The following DYNC1I1 variants were observed in gnomAD, a reference collection of about 807,000 sequenced individuals.
The protein encoded by DYNC1I1 is cytoplasmic dynein 1 intermediate chain 1.
DYNC1I1 carries 43 observed loss-of-function variants against 86.6 expected under a neutral mutation model. The observed-to-expected ratio is 0.50, with a 90% CI of 0.39 to 0.64. DYNC1I1 has a LOEUF of 0.64. Ranked by LOEUF, DYNC1I1 falls within the 30% of genes least tolerant of loss-of-function variation. The pLI is 0.00. For synonymous variants in DYNC1I1, 262 were observed against 283.7 expected (o/e 0.92, Z 0.77); for missense variants, 604 against 788.8 (o/e 0.77, Z 2.81).
intron 5 of DYNC1I1, among the ~76,000 whole-genome samples, chr7:95,842,754 A>G (rs1789320620): frequency 6.6e-6 from 1 of 152,196 alleles, no homozygotes; most frequent in East Asian, 1.9e-4. Context: ...TATTTTTCTC[A>G]GAGGATGTCG....
chr7:95,896,709 A>C (rs1293552316), intron 6 of DYNC1I1, among the ~76,000 whole-genome samples: 1 of 152,210 alleles, frequency 6.6e-6, no homozygotes, highest in African/African-American at 2.4e-5. Flanking sequence ...TTATTATTTC[A>C]TGGTGTTGCT....
At chr7:95,776,063 G>C (rs531155396) in intron 1 of DYNC1I1, among the ~76,000 whole-genome samples, 7 of 152,140 alleles carry the variant, frequency 4.6e-5, no homozygotes, top group African/African-American at 1.7e-4. Context: ...CTGGAGGCTC[G>C]TGCCTGTAAT....
At chr7:96,009,316 T>C (rs1794217343) in intron 10 of DYNC1I1, among the ~76,000 whole-genome samples, 1 of 152,186 alleles carries the variant, frequency 6.6e-6, no homozygotes, top group African/African-American at 2.4e-5. Context: ...CCCCAAGGCC[T>C]TGCCCTCTGC....
In DYNC1I1 at chr7:95,859,770, C is replaced by T. The variant is rs571906804; in HGVS notation, c.375-10113C>T. On this transcript the variant is annotated intron_variant, in intron 5 of 16. Coordinates refer to ENST00000447467, the MANE Select transcript of DYNC1I1 (RefSeq NM_001135556.2). ...GGAGGCTACAGGATCCTGCCTGGTG[C>T]TGGGGCAGGTCTGTAGGCTCAGTTT... 5.3e-5 allele frequency among the ~76,000 whole-genome samples: 8 copies of T among 152,346 alleles called. No homozygotes were observed. The East Asian group carries it at 9.7e-4, about 18-fold the overall frequency.
chr7:95,774,351 G>A (rs139289921), intron 1 of DYNC1I1, among the ~76,000 whole-genome samples: 1 of 152,198 alleles, frequency 6.6e-6, no homozygotes, highest in African/African-American at 2.4e-5. Flanking sequence ...GGACCTCTGA[G>A]ATGCTGCAGC....
intron 6 of DYNC1I1, among the ~76,000 whole-genome samples, chr7:95,966,819 A>G (rs1008062201): frequency 4.6e-5 from 7 of 152,336 alleles, no homozygotes; most frequent in African/African-American, 1.7e-4. Context: ...GTACCTGGTG[A>G]CCGGTGACTA....
chr7:95,921,187 G>GA (rs1478368837), intron 6 of DYNC1I1, among the ~76,000 whole-genome samples: 1 of 152,040 alleles, frequency 6.6e-6, no homozygotes, highest in Non-Finnish European at 1.5e-5. Context: ...CCTTTGAGGT[G>GA]AAAAAACGAC....
intron 7 of DYNC1I1, among the ~76,000 whole-genome samples, chr7:95,980,027 T>C (rs1419415146): frequency 1.3e-5 from 2 of 152,104 alleles, no homozygotes; most frequent in Admixed American, 1.3e-4. Context: ...TGTCTTGGCA[T>C]GGATTCCCCA....
chr7:95,937,877 C>T (rs2116432455), intron 6 of DYNC1I1, among the ~76,000 whole-genome samples: 1 of 152,120 alleles, frequency 6.6e-6, no homozygotes, highest in East Asian at 1.9e-4. Flanking sequence ...CCAGACACTG[C>T]TAACACCTTG....
At chr7:96,080,231 C>T (rs1357835816) in intron 15 of DYNC1I1, 132 bp from the exon 16 acceptor site, 11 of 1,157,678 alleles carry the variant, frequency 9.5e-6, no homozygotes, top group South Asian at 2.1e-5. Flanking sequence ...TTCCCCCCGG[C>T]ACAAGGGATG....
chr7:95,864,332 A>G (rs1278368510), intron 5 of DYNC1I1, among the ~76,000 whole-genome samples: 1 of 152,208 alleles, frequency 6.6e-6, no homozygotes, highest in Admixed American at 6.5e-5. Flanking sequence ...GGACTATGCT[A>G]GTGTTAAATT....
intron 5 of DYNC1I1, among the ~76,000 whole-genome samples, chr7:95,863,888 A>G (rs146094114): frequency 6.6e-6 from 1 of 152,232 alleles, no homozygotes; most frequent in Non-Finnish European, 1.5e-5. Context: ...AGAATTATTC[A>G]TAGTACTAAA....
intron 6 of DYNC1I1, among the ~76,000 whole-genome samples, chr7:95,922,864 A>C (rs1238520219): frequency 2.0e-5 from 3 of 151,956 alleles, no homozygotes; most frequent in African/African-American, 7.2e-5. Context: ...TTTTCTAAAA[A>C]TGGAAATTGA....
intron 1 of DYNC1I1, among the ~76,000 whole-genome samples, chr7:95,792,620 A>T (rs1304733039): frequency 6.6e-6 from 1 of 152,206 alleles, no homozygotes. Flanking sequence ...TTGGGTCTTC[A>T]TTTCCTTATG....
intron 10 of DYNC1I1, among the ~76,000 whole-genome samples, chr7:96,017,350 C>T (rs1188378515): frequency 6.6e-6 from 1 of 152,170 alleles, no homozygotes; most frequent in Non-Finnish European, 1.5e-5. Context: ...CCTTGTACCA[C>T]ATCGCTATTC....
intron 5 of DYNC1I1, among the ~76,000 whole-genome samples, chr7:95,868,463 G>C (rs1274545794): frequency 6.6e-6 from 1 of 152,060 alleles, no homozygotes; most frequent in Non-Finnish European, 1.5e-5. Context: ...CCATCCGCTA[G>C]TAACAATTAA....
At chr7:95,895,650 A>ATT (rs1401236705) in intron 6 of DYNC1I1, among the ~76,000 whole-genome samples, 1 of 152,192 alleles carries the variant, frequency 6.6e-6, no homozygotes, top group Non-Finnish European at 1.5e-5. Flanking sequence ...AATCATTCGA[A>ATT]TTTGCTTTTT....
intron 15 of DYNC1I1, among the ~76,000 whole-genome samples, chr7:96,078,992 A>C (rs527697226): frequency 2.0e-5 from 3 of 152,054 alleles, no homozygotes; most frequent in South Asian, 4.2e-4. Flanking sequence ...GTATTTTTAA[A>C]AAATAAATGA....
At chr7:95,940,673 A>C (rs1792185394) in intron 6 of DYNC1I1, among the ~76,000 whole-genome samples, 1 of 152,040 alleles carries the variant, frequency 6.6e-6, no homozygotes, top group African/African-American at 2.4e-5. Context: ...ACTTCTCTGT[A>C]TTGGTTATTC....
Sources: gnomAD v4.1 joint callset for allele counts (sites outside exome capture counted in the v4.1 genomes callset) on GRCh38, gnomAD v4.1.1 for gene constraint, MANE v1.5 for transcripts, NCBI Gene and HGNC (gene_info 2026-07-23, HGNC 2026-07-21) for gene names.